Variants in CDKAL1 observed in about 807,000 individuals in gnomAD.
CDKAL1 encodes threonylcarbamoyladenosine tRNA methylthiotransferase.
A neutral mutation model predicts 68.2 loss-of-function variants in CDKAL1; 32 were observed. The ratio of observed to expected loss-of-function variants is 0.47; its 90% CI spans 0.35 to 0.63. The LOEUF (loss-of-function observed/expected upper bound fraction) is 0.63. CDKAL1 is among the 30% of genes least tolerant of loss of function. The pLI, the probability that CDKAL1 is intolerant of heterozygous loss-of-function variation, is 0.00. For missense variants in CDKAL1, 606 were observed against 696.7 expected (o/e 0.87, Z 1.47); for synonymous variants, 234 against 244.3 (o/e 0.96, Z 0.39).
intron 5 of CDKAL1, among the ~76,000 whole-genome samples, chr6:20,720,547 C>T (rs1213453565): frequency 6.6e-6 from 1 of 152,172 alleles, no homozygotes; most frequent in African/African-American, 2.4e-5. Flanking sequence ...TTTTTTGTAG[C>T]CCAGGCTAGA....
At chr6:21,043,450 A>C (rs912132367) in intron 11 of CDKAL1, among the ~76,000 whole-genome samples, 4 of 152,032 alleles carry the variant, frequency 2.6e-5, no homozygotes, top group Admixed American at 2.6e-4. Flanking sequence ...CTGTTTCTTC[A>C]TTTCCATTTT....
At chr6:21,069,770 CTTTCT>C (rs1236200926) in intron 12 of CDKAL1, among the ~76,000 whole-genome samples, 459 of 42,234 alleles carry the variant, frequency 0.011, 14 homozygotes, top group African/African-American at 0.025. Context: ...CCCAGATTTT[CTTTCT>C]TTTTTTTTTT....
intron 9 of CDKAL1, among the ~76,000 whole-genome samples, chr6:20,926,533 A>C (rs1395779343): frequency 1.3e-5 from 2 of 152,128 alleles, no homozygotes; most frequent in Non-Finnish European, 2.9e-5. Context: ...ACAGAGTAAA[A>C]ATAAATGCAT....
At chr6:20,796,005 C>G (rs1466728690) in intron 8 of CDKAL1, among the ~76,000 whole-genome samples, 1 of 152,112 alleles carries the variant, frequency 6.6e-6, no homozygotes, top group Non-Finnish European at 1.5e-5. Flanking sequence ...TGCCTGGGTT[C>G]TTATTTCCAA....
chr6:20,629,944 C>A (rs1245787486), intron 4 of CDKAL1, among the ~76,000 whole-genome samples: 1 of 152,092 alleles, frequency 6.6e-6, no homozygotes, highest in Non-Finnish European at 1.5e-5. Flanking sequence ...GCCTCTGCCT[C>A]CTGGATTCAA....
At chr6:20,742,510 G>T (rs1178547861) in intron 6 of CDKAL1, among the ~76,000 whole-genome samples, 1 of 151,838 alleles carries the variant, frequency 6.6e-6, no homozygotes, top group African/African-American at 2.4e-5. Context: ...AACCTATTTT[G>T]TATTCTTATT....
chr6:20,696,855 G>A (rs1411581998), intron 5 of CDKAL1, among the ~76,000 whole-genome samples: 4 of 152,092 alleles, frequency 2.6e-5, no homozygotes, highest in African/African-American at 9.7e-5. Context: ...AGTATGTGTT[G>A]AAGAATGTTT....
chr6:20,595,272 C>T lies in CDKAL1; in HGVS notation c.286+46567C>T, dbSNP rs1214531013. 2.0e-5 allele frequency among the ~76,000 whole-genome samples: 3 copies of T among 152,282 alleles called. No homozygotes were observed. In the East Asian group the frequency reaches 5.8e-4, roughly 29 times the overall value. On this transcript the variant is annotated intron_variant, in intron 4 of 15. Transcript: ENST00000274695. ...TAGTATCCTGCAGAGTGTTTTCCAA[C>T]TTGGTTCCATTCTCCCCATCACTTT...
chr6:21,089,230 C>A (rs1163213590), intron 12 of CDKAL1, among the ~76,000 whole-genome samples: 1 of 152,008 alleles, frequency 6.6e-6, no homozygotes, highest in Non-Finnish European at 1.5e-5. Flanking sequence ...AATCCCAGCA[C>A]TTCGGGAGGC....
rs1581827472 is a variant in CDKAL1, at chr6:20,917,881, A to G, written c.743-37538A>G. The stretch of plus-strand genomic sequence containing the variant: ...GAATGGATCCTTTGTGGGATGATTA[A>G]GTCATGAGAGCAGAACCCTCATGAG... On this transcript the variant is annotated intron_variant, in intron 9 of 15. Transcript: ENST00000274695. Among the ~76,000 whole-genome samples the G allele has an allele frequency of 2.0e-5, 3 of 152,214 alleles. No homozygotes were observed. The East Asian group carries it at 5.8e-4, about 29-fold the overall frequency.
chr6:20,800,202 T>TA (rs1776309177), intron 8 of CDKAL1, among the ~76,000 whole-genome samples: 1 of 152,178 alleles, frequency 6.6e-6, no homozygotes, highest in South Asian at 2.1e-4. Context: ...TTATTTGCAA[T>TA]AGCCAAAAAT....
At chr6:21,151,698 G>A (rs995276070) in intron 13 of CDKAL1, among the ~76,000 whole-genome samples, 2 of 151,700 alleles carry the variant, frequency 1.3e-5, no homozygotes, top group African/African-American at 4.8e-5. Flanking sequence ...CCCCTTTTTT[G>A]GCATATATTC....
At chr6:20,893,567 T>C (rs574018481) in intron 9 of CDKAL1, among the ~76,000 whole-genome samples, 33 of 152,364 alleles carry the variant, frequency 2.2e-4, no homozygotes, top group African/African-American at 4.6e-4. Flanking sequence ...TAGTTACATT[T>C]ATTTATATTG....
At chr6:20,699,613 T>G (rs1771253107) in intron 5 of CDKAL1, among the ~76,000 whole-genome samples, 1 of 152,258 alleles carries the variant, frequency 6.6e-6, no homozygotes, top group East Asian at 1.9e-4. Flanking sequence ...GTTCACCAGA[T>G]GCACCCTGTT....
intron 9 of CDKAL1, among the ~76,000 whole-genome samples, chr6:20,901,239 CTGTT>C (rs1271223439): frequency 6.6e-6 from 1 of 152,090 alleles, no homozygotes; most frequent in African/African-American, 2.4e-5. Context: ...TTTGCAGAGT[CTGTT>C]TTTTTCCTCT....
intron 5 of CDKAL1, among the ~76,000 whole-genome samples, chr6:20,697,883 C>T (rs1771174064): frequency 6.6e-6 from 1 of 152,078 alleles, no homozygotes. Flanking sequence ...GTGTCCTGGG[C>T]TTTGTCTTTT....
intron 12 of CDKAL1, among the ~76,000 whole-genome samples, chr6:21,102,027 C>T (rs1773600622): frequency 6.6e-6 from 1 of 152,176 alleles, no homozygotes; most frequent in Non-Finnish European, 1.5e-5. Context: ...TGAGCTTTAT[C>T]TTTAACACCA....
chr6:20,984,854 A>G (rs753577387), intron 10 of CDKAL1, among the ~76,000 whole-genome samples: 1 of 152,066 alleles, frequency 6.6e-6, no homozygotes, highest in Admixed American at 6.6e-5. Context: ...GGAAAGGACA[A>G]CATTTGAGCA....
rs1561750847 is a variant in CDKAL1, at chr6:20,756,926, T to TTC, written c.469-1669_469-1668insTC. On this transcript the variant is annotated intron_variant, in intron 6 of 15. Coordinates refer to ENST00000274695, the MANE Select transcript of CDKAL1 (RefSeq NM_017774.3). ...TTCCTTCCTTCCTTCCTTCCTTCCCTCCTTCCCTTCCTTCCCTCCTTCCTT... is the reference window on the plus strand; with the variant it reads ...TTCCTTCCTTCCTTCCTTCCTTCCCTTCCCTTCCCTTCCTTCCCTCCTTCCTT... Among the ~76,000 whole-genome samples the TTC allele has an allele frequency of 5.3e-5, 6 of 112,228 alleles. No individual in the cohort carries two copies. The East Asian group carries it at 2.2e-3, about 42-fold the overall frequency. 73.6% of individuals were successfully genotyped at this position (112,228 alleles called of 152,430 possible).
Sources: gnomAD v4.1 joint callset for allele counts (sites outside exome capture counted in the v4.1 genomes callset) on GRCh38, gnomAD v4.1.1 for gene constraint, MANE v1.5 for transcripts, NCBI Gene and HGNC (gene_info 2026-07-23, HGNC 2026-07-21) for gene names.